SGCZ: variants seen among roughly 807,000 people sequenced by gnomAD.
SGCZ encodes sarcoglycan zeta, also known as zeta-sarcoglycan.
Under a neutral mutation model 41.3 loss-of-function variants are expected in SGCZ, and 40 were observed. That is an observed-to-expected ratio of 0.97 (90% CI 0.75 to 1.26). The LOEUF (loss-of-function observed/expected upper bound fraction) is 1.26, where lower values mean the gene tolerates loss of function less well. Ranked by LOEUF, SGCZ falls within the 50% of genes most tolerant of loss-of-function variation. SGCZ has a pLI of 0.00. For synonymous variants in SGCZ, 206 were observed against 137.5 expected (o/e 1.50, Z -3.49); for missense variants, 552 against 369.8 (o/e 1.49, Z -4.04).
intron 1 of SGCZ, among the ~76,000 whole-genome samples, chr8:15,034,237 T>C (rs1019944785): frequency 6.6e-6 from 1 of 152,076 alleles, no homozygotes; most frequent in African/African-American, 2.4e-5. Context: ...AAATAATAAG[T>C]GGCCAAAATA....
intron 5 of SGCZ, among the ~76,000 whole-genome samples, chr8:14,135,887 A>G (rs942100571): frequency 3.3e-5 from 5 of 152,186 alleles, no homozygotes; most frequent in Admixed American, 6.6e-5. Context: ...ACCCTGGAGA[A>G]TTCTACAAAA....
chr8:14,551,472 ATTAT>A (rs1803816147), intron 2 of SGCZ, among the ~76,000 whole-genome samples: 2 of 18,648 alleles, frequency 1.1e-4, no homozygotes, highest in Non-Finnish European at 3.7e-4. Context: ...TATTATATAT[ATTAT>A]ATATTATATA....
At chr8:14,100,509 TA>T (rs1207427796) in intron 7 of SGCZ, among the ~76,000 whole-genome samples, 1 of 148,046 alleles carries the variant, frequency 6.8e-6, no homozygotes, top group Admixed American at 6.8e-5. Flanking sequence ...ATCCTGATAT[TA>T]ATATATTATA....
chr8:14,402,988 T>C (rs1185740009), intron 2 of SGCZ, among the ~76,000 whole-genome samples: 1 of 149,840 alleles, frequency 6.7e-6, no homozygotes, highest in Non-Finnish European at 1.5e-5. Flanking sequence ...GTAGTTCTCC[T>C]TGAAGAGGTC....
chr8:14,730,203 T>C (rs1810189948), intron 1 of SGCZ, among the ~76,000 whole-genome samples: 1 of 152,156 alleles, frequency 6.6e-6, no homozygotes, highest in Non-Finnish European at 1.5e-5. Flanking sequence ...TTTTCTGGAG[T>C]GCCGCACGAA....
chr8:14,722,337 G>C (rs2130189094), intron 1 of SGCZ, among the ~76,000 whole-genome samples: 1 of 151,978 alleles, frequency 6.6e-6, no homozygotes, highest in Non-Finnish European at 1.5e-5. Flanking sequence ...GGAACACTAA[G>C]CAATAATTTT....
At chr8:14,705,919 T>C (rs1809318698) in intron 1 of SGCZ, among the ~76,000 whole-genome samples, 1 of 152,060 alleles carries the variant, frequency 6.6e-6, no homozygotes, top group South Asian at 2.1e-4. Flanking sequence ...GGATAGGAGT[T>C]GTATAAGGAT....
At chr8:14,202,675 G>C (rs1489697909) in intron 4 of SGCZ, among the ~76,000 whole-genome samples, 2 of 152,080 alleles carry the variant, frequency 1.3e-5, no homozygotes, top group African/African-American at 2.4e-5. Context: ...GAAATTTAAA[G>C]ATCCCTTGGT....
At chr8:14,378,825 T>TTGGTTG (rs1804244658) in intron 2 of SGCZ, among the ~76,000 whole-genome samples, 2 of 152,146 alleles carry the variant, frequency 1.3e-5, no homozygotes, top group Non-Finnish European at 2.9e-5. Context: ...GATGTGGGAA[T>TTGGTTG]AAACTCTGCA....
At chr8:14,524,320 C>T (rs982139964) in intron 2 of SGCZ, among the ~76,000 whole-genome samples, 3 of 151,834 alleles carry the variant, frequency 2.0e-5, no homozygotes, top group African/African-American at 7.3e-5. Context: ...TCCATTGAAA[C>T]CCGAGGCAAA....
At chr8:14,228,895 G>C (rs915456841) in intron 4 of SGCZ, among the ~76,000 whole-genome samples, 1 of 152,134 alleles carries the variant, frequency 6.6e-6, no homozygotes, top group Non-Finnish European at 1.5e-5. Flanking sequence ...GATTTTACCA[G>C]ATTAGCTACC....
intron 1 of SGCZ, among the ~76,000 whole-genome samples, chr8:14,822,661 G>A (rs1802145277): frequency 6.6e-6 from 1 of 151,788 alleles, no homozygotes; most frequent in Admixed American, 6.6e-5. Flanking sequence ...AGAGAGCCCA[G>A]AAACAAATTT....
chr8:14,711,711 T>C (rs1217154728), intron 1 of SGCZ, among the ~76,000 whole-genome samples: 1 of 151,998 alleles, frequency 6.6e-6, no homozygotes, highest in Non-Finnish European at 1.5e-5. Flanking sequence ...AGCATTAGTG[T>C]TAATAGTCCT....
intron 1 of SGCZ, among the ~76,000 whole-genome samples, chr8:15,162,481 T>A (rs150935145): frequency 4.4e-4 from 67 of 152,352 alleles, no homozygotes; most frequent in African/African-American, 1.6e-3. Context: ...GTCACGTGGA[T>A]AGATACTCCT....
At chr8:14,567,584 G>T (rs377102633) in intron 1 of SGCZ, among the ~76,000 whole-genome samples, 1 of 152,158 alleles carries the variant, frequency 6.6e-6, no homozygotes, top group Admixed American at 6.5e-5. Context: ...CTAGATAAGA[G>T]AATAAAAGCA....
chr8:15,144,576 C>G (rs1355347721), intron 1 of SGCZ, among the ~76,000 whole-genome samples: 1 of 152,086 alleles, frequency 6.6e-6, no homozygotes, highest in Non-Finnish European at 1.5e-5. Flanking sequence ...ATTCTCCTGC[C>G]TCAGCCTCCT....
chr8:14,634,657 G>A (rs769680727), intron 1 of SGCZ, among the ~76,000 whole-genome samples: 1 of 151,788 alleles, frequency 6.6e-6, no homozygotes, highest in Non-Finnish European at 1.5e-5. Context: ...AATTTCACTG[G>A]AATACCCTAT....
intron 1 of SGCZ, among the ~76,000 whole-genome samples, chr8:15,176,561 T>C (rs967841291): frequency 5.9e-5 from 9 of 152,348 alleles, no homozygotes; most frequent in African/African-American, 2.2e-4. Flanking sequence ...TTGAAAGTAA[T>C]ATTTCATAGA....
At chr8:14,892,489 T>A (rs111889333) in intron 1 of SGCZ, among the ~76,000 whole-genome samples, 4,568 of 152,198 alleles carry the variant, frequency 0.03, 186 homozygotes, top group African/African-American at 0.09. Flanking sequence ...GCAGGAAAAA[T>A]TTATAGCATC....
Sources: gnomAD v4.1 joint callset for allele counts (sites outside exome capture counted in the v4.1 genomes callset) on GRCh38, gnomAD v4.1.1 for gene constraint, MANE v1.5 for transcripts, NCBI Gene and HGNC (gene_info 2026-07-23, HGNC 2026-07-21) for gene names.